The following COL22A1 variants were observed in gnomAD, a reference collection of about 807,000 sequenced individuals.
The protein encoded by COL22A1 is collagen alpha-1(XXII) chain.
Under a neutral mutation model 248.9 loss-of-function variants are expected in COL22A1, and 221 were observed. The observed-to-expected ratio is 0.89, with a 90% CI of 0.80 to 0.99. The LOEUF (loss-of-function observed/expected upper bound fraction) is 0.99, where lower values mean the gene tolerates loss of function less well. Ranked by LOEUF, COL22A1 falls within the 50% of genes least tolerant of loss-of-function variation. The pLI is 0.00. For synonymous variants in COL22A1, 891 were observed against 793.4 expected (o/e 1.12, Z -2.07); for missense variants, 2,240 against 2,179.0 (o/e 1.03, Z -0.56).
At chr8:138,818,955 G>A (rs770768864) in intron 7 of COL22A1, among the ~76,000 whole-genome samples, 5 of 152,138 alleles carry the variant, frequency 3.3e-5, no homozygotes, top group Non-Finnish European at 7.4e-5. Flanking sequence ...TGACGTGGGC[G>A]ATGGTGTTAC....
intron 16 of COL22A1, among the ~76,000 whole-genome samples, chr8:138,767,486 A>C (rs535457403): frequency 6.6e-6 from 1 of 152,190 alleles, no homozygotes; most frequent in East Asian, 1.9e-4. Flanking sequence ...AACAAAACAC[A>C]CAAAAAAGGA....
At chr8:138,665,826 A>G (rs902903465) in intron 41 of COL22A1, among the ~76,000 whole-genome samples, 1 of 152,198 alleles carries the variant, frequency 6.6e-6, no homozygotes, top group African/African-American at 2.4e-5. Context: ...AACAGAGAAA[A>G]TAACATGGCA....
intron 11 of COL22A1, 139 bp from the exon 12 acceptor site, chr8:138,796,996 G>A: frequency 2.8e-6 from 2 of 705,948 alleles, no homozygotes; most frequent in Non-Finnish European, 5.2e-6. Flanking sequence ...AAAAGAAATG[G>A]TGACTATTGT....
chr8:138,611,377 C>T (rs952489437), intron 56 of COL22A1, among the ~76,000 whole-genome samples: 2 of 152,130 alleles, frequency 1.3e-5, no homozygotes, highest in East Asian at 1.9e-4. Context: ...GTGATGAATA[C>T]AGGAGAGGAG....
rs929703157 is a variant in COL22A1 at position 138,883,244 on chromosome 8, C to A, written c.-72G>T. 9.8e-6 allele frequency: 14 copies of A among 1,430,080 alleles called. No homozygotes were observed. Among genetic ancestry groups the A allele is most frequent in the Non-Finnish European group, 1.3e-5 (14 of 1,046,558 alleles). 88.6% of individuals were successfully genotyped at this position (1,430,080 alleles called of 1,614,324 possible). A position where few individuals can be genotyped will look rare whatever the true frequency, so the allele number is the denominator to read the frequency against. On this transcript the variant is annotated splice_region_variant and 5_prime_UTR_variant, in exon 2 of 65. Transcript: ENST00000303045. Reference sequence around the variant, plus strand: ...GCTGTTAGGGTCTACAGCAGCATGGCCTGTGTGGAGAAAGACACCCTTAGA... The same window carrying A: ...GCTGTTAGGGTCTACAGCAGCATGGACTGTGTGGAGAAAGACACCCTTAGA...
chr8:138,681,410 G>C (rs1424879303), intron 39 of COL22A1, among the ~76,000 whole-genome samples: 1 of 152,068 alleles, frequency 6.6e-6, no homozygotes, highest in Non-Finnish European at 1.5e-5. Context: ...AGAATAAACA[G>C]GATAAAGGGG....
intron 3 of COL22A1, among the ~76,000 whole-genome samples, chr8:138,844,401 T>G (rs1160702224): frequency 9.9e-5 from 15 of 152,236 alleles, no homozygotes; most frequent in Admixed American, 9.8e-4. Context: ...GAACAAGGCT[T>G]TCTTCCTGTC....
chr8:138,728,961 G>A (rs911640336), intron 23 of COL22A1, among the ~76,000 whole-genome samples: 2 of 152,062 alleles, frequency 1.3e-5, no homozygotes, highest in Non-Finnish European at 2.9e-5. Flanking sequence ...CACTGCTGAT[G>A]AGCCCGTGAG....
At chr8:138,789,681 T>C (rs780094793) in intron 12 of COL22A1, among the ~76,000 whole-genome samples, 1 of 152,226 alleles carries the variant, frequency 6.6e-6, no homozygotes, top group Non-Finnish European at 1.5e-5. Context: ...GGAACTGACA[T>C]TGACCAATGC....
At chr8:138,891,494 C>T (rs559314465) in intron 1 of COL22A1, among the ~76,000 whole-genome samples, 152 of 152,340 alleles carry the variant, frequency 1.0e-3, no homozygotes, top group Non-Finnish European at 1.7e-3. Flanking sequence ...ATTACATGCT[C>T]ATAAGTGCAG....
rs1345522460 is a variant in COL22A1, at chr8:138,635,003, T to C, written c.3609+7A>G. On this transcript the variant is annotated splice_region_variant and intron_variant, in intron 49 of 64. Transcript: ENST00000303045. ...GAAAGAGGAGGGGATTAAAGATGATTACTTACTGGTGGCCCAGGGTTCCCT... is the reference window on the plus strand; with the variant it reads ...GAAAGAGGAGGGGATTAAAGATGATCACTTACTGGTGGCCCAGGGTTCCCT... The C allele has an allele frequency of 1.3e-6, 2 of 1,587,880 alleles. No individual in the cohort carries two copies. Among genetic ancestry groups the C allele is most frequent in the East Asian group, 4.5e-5 (2 of 44,710 alleles).
At chr8:138,849,684 A>G (rs1821489542) in intron 3 of COL22A1, among the ~76,000 whole-genome samples, 1 of 152,100 alleles carries the variant, frequency 6.6e-6, no homozygotes, top group Non-Finnish European at 1.5e-5. Flanking sequence ...GCCTTTTAAG[A>G]GTCTTGACTT....
At chr8:138,599,916 C>T (rs1387779499) in intron 60 of COL22A1, among the ~76,000 whole-genome samples, 2 of 152,202 alleles carry the variant, frequency 1.3e-5, no homozygotes, top group African/African-American at 4.8e-5. Flanking sequence ...GCAACTGAGA[C>T]TGATGGTGGA....
intron 12 of COL22A1, among the ~76,000 whole-genome samples, chr8:138,789,149 T>C (rs2131574672): frequency 6.6e-6 from 1 of 152,286 alleles, no homozygotes; most frequent in East Asian, 1.9e-4. Context: ...AGAGGAGAAA[T>C]GCAGATTCCT....
chr8:138,827,502 G>A (rs563497587), intron 5 of COL22A1, among the ~76,000 whole-genome samples: 6 of 151,990 alleles, frequency 3.9e-5, no homozygotes, highest in Non-Finnish European at 7.4e-5. Context: ...CTTAGCTTAC[G>A]GTGCTTTGTC....
chr8:138,639,175 T>C (rs569234665), intron 47 of COL22A1, among the ~76,000 whole-genome samples: 69 of 152,340 alleles, frequency 4.5e-4, no homozygotes, highest in African/African-American at 1.7e-3. Flanking sequence ...TAGGGCTTAT[T>C]ATCAGAGTGT....
At chr8:138,837,666 G>C (rs1173026005) in intron 4 of COL22A1, among the ~76,000 whole-genome samples, 1 of 152,176 alleles carries the variant, frequency 6.6e-6, no homozygotes. Flanking sequence ...GAAGTGTCCT[G>C]GGGCCTGAGG....
At chr8:138,710,742 T>A (rs1828895991) in intron 30 of COL22A1, among the ~76,000 whole-genome samples, 1 of 152,148 alleles carries the variant, frequency 6.6e-6, no homozygotes, top group African/African-American at 2.4e-5. Context: ...TACAATTGTG[T>A]GGCATTGCTC....
chr8:138,621,803 C>T (rs888756809), intron 52 of COL22A1, among the ~76,000 whole-genome samples: 15 of 152,242 alleles, frequency 9.9e-5, no homozygotes, highest in African/African-American at 3.6e-4. Context: ...GGCACACACG[C>T]AGTTGCTGTC....
Sources: gnomAD v4.1 joint callset for allele counts (sites outside exome capture counted in the v4.1 genomes callset) on GRCh38, gnomAD v4.1.1 for gene constraint, MANE v1.5 for transcripts, NCBI Gene and HGNC (gene_info 2026-07-23, HGNC 2026-07-21) for gene names.